Variants in ATRX observed in about 807,000 individuals in gnomAD.
ATRX encodes the protein chromatin remodeler ATRX.
Under a neutral mutation model 172.6 loss-of-function variants are expected in ATRX, and 12 were observed. That is an observed-to-expected ratio of 0.07 (90% CI 0.04 to 0.11). ATRX has a LOEUF of 0.11. ATRX is among the 10% of genes least tolerant of loss of function. The pLI is 1.00. For missense variants in ATRX, 1,368 were observed against 1,767.4 expected (o/e 0.77, Z 4.05); for synonymous variants, 674 against 594.7 (o/e 1.13, Z -1.94).
At chrX:77,664,859 T>C (rs1407449299) in intron 10 of ATRX, 81 bp from the exon 11 acceptor site, 4 of 934,570 alleles carry the variant, frequency 4.3e-6, no homozygotes, top group Non-Finnish European at 2.9e-6. Context: ...ACAGACTTCT[T>C]TGAATCAAAA....
At chrX:77,770,959 T>C (rs1405433717) in intron 1 of ATRX, among the ~76,000 whole-genome samples, 2 of 112,447 alleles carry the variant, frequency 1.8e-5, no homozygotes, top group African/African-American at 6.4e-5. Context: ...CCATTGACCA[T>C]TTTTACCATT....
At position 77,743,500 on chromosome X, in the gene ATRX, A is replaced by T. The variant is rs1277320286; in HGVS notation, c.21-26257T>A. On this transcript the variant is annotated intron_variant, in intron 1 of 34. Coordinates refer to ENST00000373344, the MANE Select transcript of ATRX (RefSeq NM_000489.6). Reference sequence around the variant, plus strand: ...ATCCAGGTTACCAGGGGATTCCACAACCAAACCCACTACCTGAAACACTCT... The same window carrying T: ...ATCCAGGTTACCAGGGGATTCCACATCCAAACCCACTACCTGAAACACTCT... Among the ~76,000 whole-genome samples the T allele has an allele frequency of 8.1e-5, 9 of 110,757 alleles. No homozygotes were observed. The Admixed American group carries it at 8.7e-4, about 11-fold the overall frequency.
At chrX:77,537,355 T>A (rs1557048714) in intron 30 of ATRX, among the ~76,000 whole-genome samples, 1 of 111,817 alleles carries the variant, frequency 8.9e-6, no homozygotes, top group Non-Finnish European at 1.9e-5. Flanking sequence ...TGGTCAATTA[T>A]CAGACCTGAT....
chrX:77,683,324 A>C lies in ATRX; in HGVS notation c.1932T>G (p.Val644=). The C allele has an allele frequency of 1.7e-6, 2 of 1,210,858 alleles. No homozygotes were observed. The highest frequency in any genetic ancestry group is 1.1e-6 in the Non-Finnish European group (1 of 895,094). Reference sequence around the variant, plus strand: ...GATCAGATTCCTCTAAAAGTAATGAAACTTCATTTTCAACCAAATGCTCAT... The same window carrying C: ...GATCAGATTCCTCTAAAAGTAATGACACTTCATTTTCAACCAAATGCTCAT... The part of the protein sequence containing the change: ...SDNEHLVENE[V]SLLLEESDLR... The change falls in exon 9 of 35, where the codon GTT becomes GTG. Residue 644 remains valine (V), a synonymous_variant. Coordinates refer to ENST00000373344, the MANE Select transcript of ATRX (RefSeq NM_000489.6).
At chrX:77,632,102 G>A (rs1188810948) in intron 19 of ATRX, among the ~76,000 whole-genome samples, 1 of 111,232 alleles carries the variant, frequency 9.0e-6, no homozygotes, top group Non-Finnish European at 1.9e-5. Flanking sequence ...AGGTTTGAGC[G>A]ATTCTTCTGC....
chrX:77,572,534 C>T (rs2065455580), intron 28 of ATRX, among the ~76,000 whole-genome samples: 1 of 110,958 alleles, frequency 9.0e-6, no homozygotes, highest in African/African-American at 3.3e-5. Flanking sequence ...GACAGCTCAA[C>T]ATCTACATTT....
intron 22 of ATRX, among the ~76,000 whole-genome samples, chrX:77,611,793 CA>C (rs1557094155): frequency 9.0e-6 from 1 of 111,281 alleles, no homozygotes; most frequent in East Asian, 2.8e-4. Flanking sequence ...AAAGAAATGA[CA>C]AGTGTTTGAA....
At chrX:77,658,132 G>A (rs2069654481) in intron 12 of ATRX, among the ~76,000 whole-genome samples, 1 of 111,122 alleles carries the variant, frequency 9.0e-6, no homozygotes, top group Admixed American at 9.6e-5. Flanking sequence ...GATCACTTGA[G>A]CCCAGGAGGT....
rs2072074536 is a variant in ATRX, at chrX:77,694,522, A to G, written c.371-585T>C. ...TGTAAAGTCCTTAAAGAGTTTTAAC[A>G]GATTAAGATACTTTAGCTGAAGTAC... On this transcript the variant is annotated intron_variant, in intron 5 of 34. Transcript: ENST00000373344. Among the ~76,000 whole-genome samples the G allele has an allele frequency of 2.7e-5, 3 of 111,319 alleles. No individual in the cohort carries two copies. The South Asian group carries it at 1.1e-3, about 42-fold the overall frequency.
intron 1 of ATRX, among the ~76,000 whole-genome samples, chrX:77,775,968 G>A (rs1250912394): frequency 9.0e-6 from 1 of 110,981 alleles, no homozygotes; most frequent in East Asian, 2.8e-4. Flanking sequence ...CTGACCTCAG[G>A]AGAACCACCT....
chrX:77,640,016 C>T (rs2068574337), intron 15 of ATRX, among the ~76,000 whole-genome samples: 1 of 112,102 alleles, frequency 8.9e-6, no homozygotes, highest in African/African-American at 3.2e-5. Context: ...AGAAGAAAAT[C>T]ATGTCCTCTA....
At chrX:77,689,405 G>C (rs2071761611) in intron 6 of ATRX, among the ~76,000 whole-genome samples, 1 of 111,751 alleles carries the variant, frequency 8.9e-6, no homozygotes, top group African/African-American at 3.2e-5. Flanking sequence ...GTAAAAACTT[G>C]GTAATTTTAT....
chrX:77,733,922 G>A (rs2074415964), intron 1 of ATRX, among the ~76,000 whole-genome samples: 1 of 108,520 alleles, frequency 9.2e-6, no homozygotes, highest in African/African-American at 3.4e-5. Flanking sequence ...AAGGTGCTGG[G>A]GCCAGGCACG....
At chrX:77,519,274 A>C in intron 34 of ATRX, among the ~76,000 whole-genome samples, 1 of 111,905 alleles carries the variant, frequency 8.9e-6, no homozygotes, top group East Asian at 2.8e-4. Context: ...TAATAACCAG[A>C]ATATATAAGG....
At chrX:77,707,009 A>G (rs1418767701) in intron 2 of ATRX, among the ~76,000 whole-genome samples, 1 of 112,951 alleles carries the variant, frequency 8.9e-6, no homozygotes, top group Non-Finnish European at 1.9e-5. Context: ...AAAATGTGGT[A>G]TATACATACA....
chrX:77,779,091 A>ATTTTTTTTTT (rs1169146207), intron 1 of ATRX, among the ~76,000 whole-genome samples: 211 of 62,728 alleles, frequency 3.4e-3, no homozygotes, highest in African/African-American at 4.3e-3. Flanking sequence ...CCATGCCCGG[A>ATTTTTTTTTT]TTTTTTTTTT....
In ATRX at chrX:77,505,442, G is replaced by A. The variant is rs1346866574; in HGVS notation, c.*2909C>T. 1 of 172,555 alleles carries A rather than the reference G, an allele frequency of 5.8e-6. No homozygotes were observed. Among genetic ancestry groups the A allele is most frequent in the Non-Finnish European group, 1.1e-5 (1 of 90,673 alleles). The allele number at this position is 172,555 out of a possible 1,213,427, so 14.2% of individuals were successfully genotyped here. A position where few individuals can be genotyped will look rare whatever the true frequency, so the allele number is the denominator to read the frequency against. ...TGAGTGTTACAGCTGTTGGGAAACA[G>A]GAAATGGGGCTGGATTACACAAAGA... On this transcript the variant is annotated 3_prime_UTR_variant, in exon 35 of 35. Coordinates refer to ENST00000373344, the MANE Select transcript of ATRX (RefSeq NM_000489.6).
chrX:77,695,626 A>C (rs1265828960), intron 5 of ATRX, among the ~76,000 whole-genome samples: 1 of 111,356 alleles, frequency 9.0e-6, no homozygotes, highest in Non-Finnish European at 1.9e-5. Flanking sequence ...GTCATAAATG[A>C]TTTGCAAAAC....
In ATRX at chrX:77,616,653, A is replaced by T. The variant is rs2148243874; in HGVS notation, c.5526T>A (p.Ile1842=). ...AGTAGTACTGATAGAGCTTGCACTG[A>T]ATAGAAGTCATTCTCACAGCTAACA... is the stretch of plus-strand genomic sequence containing the variant. ...EYVLAVRMTS[I]QCKLYQYYLD... Residue 1842 remains isoleucine, a synonymous_variant, in exon 22 of 35, where the codon ATT becomes ATA. Transcript: ENST00000373344. The T allele has an allele frequency of 8.3e-7, 1 of 1,205,864 alleles. No individual in the cohort carries two copies. Among genetic ancestry groups the T allele is most frequent in the Non-Finnish European group, 1.1e-6 (1 of 890,237 alleles).
Sources: allele counts gnomAD v4.1 joint callset (sites outside exome capture counted in the v4.1 genomes callset), GRCh38; gene constraint gnomAD v4.1.1; transcripts MANE v1.5; gene names NCBI Gene and HGNC (gene_info 2026-07-23, HGNC 2026-07-21).